ZNF624: variants seen among roughly 807,000 people sequenced by gnomAD.
The protein encoded by ZNF624 is zinc finger protein 624.
A neutral mutation model predicts 74.7 loss-of-function variants in ZNF624; 43 were observed. The observed-to-expected ratio is 0.58, with a 90% CI of 0.45 to 0.74. ZNF624 has a LOEUF of 0.74. Among genes scored for constraint, ZNF624 ranks in the 30% least tolerant of loss-of-function variants. The pLI is 0.00. For synonymous variants in ZNF624, 331 were observed against 341.3 expected (o/e 0.97, Z 0.33); for missense variants, 820 against 1,030.0 (o/e 0.80, Z 2.79).
intron 3 of ZNF624, among the ~76,000 whole-genome samples, chr17:16,646,768 A>T (rs1909602944): frequency 6.6e-6 from 1 of 152,248 alleles, no homozygotes; most frequent in African/African-American, 2.4e-5. Context: ...ATGGTAAGTC[A>T]AACAACATAA....
intron 3 of ZNF624, among the ~76,000 whole-genome samples, chr17:16,637,551 G>A (rs1308190621): frequency 6.6e-6 from 1 of 152,212 alleles, no homozygotes; most frequent in Non-Finnish European, 1.5e-5. Context: ...AGAGCCCTCA[G>A]AAATAATGCC....
At chr17:16,625,920 T>C (rs992669880) in intron 5 of ZNF624, among the ~76,000 whole-genome samples, 7 of 152,148 alleles carry the variant, frequency 4.6e-5, no homozygotes, top group African/African-American at 1.7e-4. Flanking sequence ...ATAAAAACTC[T>C]TGTCCATGAT....
chr17:16,627,258 C>A (rs1909095554), intron 5 of ZNF624, among the ~76,000 whole-genome samples: 1 of 152,202 alleles, frequency 6.6e-6, no homozygotes, highest in Non-Finnish European at 1.5e-5. Flanking sequence ...TAGAAATTTT[C>A]TTCAATAAAT....
At chr17:16,651,955 TGTTTTA>T (rs1423339953) in intron 1 of ZNF624, among the ~76,000 whole-genome samples, 6 of 152,178 alleles carry the variant, frequency 3.9e-5, no homozygotes. Flanking sequence ...AATTATATAA[TGTTTTA>T]GTTTTAGTGT....
downstream of ZNF624, chr17:16,617,023 C>A: frequency 6.2e-7 from 1 of 1,608,594 alleles, no homozygotes; most frequent in East Asian, 2.2e-5. Flanking sequence ...CTTTGTATGA[C>A]CCTTTCCATT....
Position 16,622,258 on chromosome 17 carries a change from T to C in ZNF624, c.*30A>G, listed in dbSNP as rs755435176. On this transcript the variant is annotated 3_prime_UTR_variant, in exon 6 of 6. Transcript: ENST00000311331. ...AGTTTATAAGATTCATCTTGTGGAG[T>C]TGACATCTAGGTGAATGACTTATTG... The C allele has an allele frequency of 4.5e-5, 66 of 1,465,700 alleles. No homozygotes were observed. The highest frequency in any genetic ancestry group is 5.3e-5 in the Non-Finnish European group (58 of 1,097,274). The allele number at this position is 1,465,700 out of a possible 1,614,324, so 90.8% of individuals were successfully genotyped here.
chr17:16,621,423 A>G lies in ZNF624; in HGVS notation c.*865T>C, dbSNP rs1352548955. Reference sequence around the variant, plus strand: ...TTCTAACGGACAGATTCCAAAAGTGAGACTGCTGGGTCTAAGAGTATATAT... The same window carrying G: ...TTCTAACGGACAGATTCCAAAAGTGGGACTGCTGGGTCTAAGAGTATATAT... On this transcript the variant is annotated 3_prime_UTR_variant, in exon 6 of 6. Transcript: ENST00000311331. 1 of 152,256 alleles carries G rather than the reference A, an allele frequency of 6.6e-6. No individual in the cohort carries two copies. The highest frequency in any genetic ancestry group is 2.4e-5 in the African/African-American group (1 of 41,462). 9.4% of individuals were successfully genotyped at this position (152,256 alleles called of 1,614,324 possible).
At chr17:16,617,454 C>T (rs1466550539), downstream of ZNF624, 1 of 1,611,650 alleles carries the variant, frequency 6.2e-7, no homozygotes, top group Non-Finnish European at 8.5e-7. Flanking sequence ...TTGTTCCTTC[C>T]TTGTGGGCAT....
downstream of ZNF624, among the ~76,000 whole-genome samples, chr17:16,620,464 G>A (rs1340200549): frequency 6.6e-6 from 1 of 152,148 alleles, no homozygotes; most frequent in Non-Finnish European, 1.5e-5. Context: ...TCTTTCTGAG[G>A]CTTGAGGTCT....
intron 2 of ZNF624, 41 bp from the exon 3 acceptor site, chr17:16,647,435 CTATGACT>C (rs1433004191): frequency 1.9e-6 from 3 of 1,568,210 alleles, no homozygotes; most frequent in South Asian, 1.1e-5. Flanking sequence ...GATAGGCTGC[CTATGACT>C]TACAGCAGAG....
intron 5 of ZNF624, among the ~76,000 whole-genome samples, chr17:16,628,277 A>C (rs919125434): frequency 2.0e-4 from 30 of 151,762 alleles, no homozygotes; most frequent in African/African-American, 4.8e-4. Flanking sequence ...CCCCGACCCC[A>C]AAAAAAAGGG....
rs544290944 is a variant in ZNF624, at chr17:16,638,100, A to T, written c.154-3344T>A. Among the ~76,000 whole-genome samples the T allele has an allele frequency of 4.2e-4, 64 of 152,308 alleles. No individual in the cohort carries two copies. The South Asian group carries it at 0.013, about 31-fold the overall frequency. ...AAAGAAGACATTTATGCAGCCAAAAAACACATGAAAAAATGCTCATCATCA... is the reference window on the plus strand; with the variant it reads ...AAAGAAGACATTTATGCAGCCAAAATACACATGAAAAAATGCTCATCATCA... On this transcript the variant is annotated intron_variant, in intron 3 of 5. Transcript: ENST00000311331.
chr17:16,632,035 C>T (rs542816595), intron 5 of ZNF624, among the ~76,000 whole-genome samples: 1 of 152,328 alleles, frequency 6.6e-6, no homozygotes, highest in South Asian at 2.1e-4. Flanking sequence ...GATGGCTTCC[C>T]TGGTGAATTC....
At position 16,624,062 on chromosome 17, in the gene ZNF624, G is replaced by C; in HGVS notation, c.824C>G (p.Pro275Arg). The C allele has an allele frequency of 6.2e-7, 1 of 1,614,004 alleles. No individual in the cohort carries two copies. Among genetic ancestry groups the C allele is most frequent in the Non-Finnish European group, 8.5e-7 (1 of 1,179,998 alleles). Residue 275 changes from proline (P) to arginine (R), a missense_variant, in exon 6 of 6, where the codon CCC becomes CGC. By Grantham distance (103) the Pro-to-Arg change is moderately radical. Transcript: ENST00000311331. Reference protein sequence around the residue: ...LGKKSNNKEKPYKCSTCEKAF... With the variant: ...LGKKSNNKEKRYKCSTCEKAF... ...CTTTTCGCATGTACTACATTTGTAG[G>C]GTTTTTCCTTATTATTGGATTTTTT...
downstream of ZNF624, chr17:16,616,926 T>C (rs143911637): frequency 6.1e-4 from 939 of 1,542,642 alleles, 13 homozygotes; most frequent in African/African-American, 0.012. Flanking sequence ...TAGCTCTTTT[T>C]GGTGGAGGGG....
chr17:16,618,953 A>G (rs879575311), downstream of ZNF624, among the ~76,000 whole-genome samples: 1 of 152,218 alleles, frequency 6.6e-6, no homozygotes, highest in Admixed American at 6.5e-5. Context: ...TTTATTGTGT[A>G]AGGGGTCAGT....
chr17:16,617,959 G>A, downstream of ZNF624: 2 of 876,884 alleles, frequency 2.3e-6, no homozygotes, highest in Non-Finnish European at 3.7e-6. Flanking sequence ...CGGGTGCGGG[G>A]ACGGCAAGAG....
chr17:16,625,607 A>C (rs1283575914), intron 5 of ZNF624, among the ~76,000 whole-genome samples: 2 of 152,220 alleles, frequency 1.3e-5, no homozygotes, highest in Non-Finnish European at 2.9e-5. Context: ...TGGAAAAAAA[A>C]CTTTGATTTT....
Position 16,623,167 on chromosome 17 carries a change from TATA to T in ZNF624, c.1716_1718del (p.Ile573del). The T allele has an allele frequency of 6.2e-7, 1 of 1,613,938 alleles. No homozygotes were observed. Among genetic ancestry groups the T allele is most frequent in the South Asian group, 1.1e-5 (1 of 91,058 alleles). ...TCTCTTCAGTATGAATACGCTGATG[TATA>T]ATTAGAGAAGAAGAACGCATGAAGG... On this transcript the variant is annotated inframe_deletion, in exon 6 of 6. Coordinates refer to ENST00000311331, the MANE Select transcript of ZNF624 (RefSeq NM_020787.4). The surrounding 1 kb of genome is among the most constrained non-coding windows in gnomAD (Gnocchi z 5.3).
Sources: gnomAD v4.1 joint callset for allele counts (sites outside exome capture counted in the v4.1 genomes callset) on GRCh38, gnomAD v4.1.1 for gene constraint, Gnocchi (gnomAD v3.1) non-coding constraint, MANE v1.5 for transcripts, NCBI Gene and HGNC (gene_info 2026-07-23, HGNC 2026-07-21) for gene names.